Variants in KLK9 observed in about 807,000 individuals in gnomAD.
KLK9 encodes kallikrein related peptidase 9, also known as kallikrein-9.
KLK9 carries 26 observed loss-of-function variants against 23.3 expected under a neutral mutation model. The ratio of observed to expected loss-of-function variants is 1.12; its 90% confidence interval spans 0.82 to 1.55. KLK9 has a LOEUF of 1.55. Ranked by LOEUF, KLK9 falls within the 40% of genes most tolerant of loss-of-function variation. The pLI is 0.00. For missense variants in KLK9, 346 were observed against 333.7 expected (o/e 1.04, Z -0.29); for synonymous variants, 122 against 128.5 (o/e 0.95, Z 0.34).
Position 51,002,863 on chromosome 19 carries a change from G to C in KLK9, c.*248C>G. On this transcript the variant is annotated 3_prime_UTR_variant, in exon 5 of 5. Coordinates refer to ENST00000594211, the MANE Select transcript of KLK9 (RefSeq NM_012315.2). ...CTGTTCCAAGAAGGAGGTGATGGCT[G>C]TCGGTGACGTCATAGAGACGGGCTC... 1 of 429,548 alleles carries C rather than the reference G, an allele frequency of 2.3e-6. No individual in the cohort carries two copies. The allele number at this position is 429,548 out of a possible 1,614,324, so 26.6% of individuals were successfully genotyped here.
Position 51,006,369 on chromosome 19 carries a change from G to A in KLK9, c.466+89C>T. The A allele has an allele frequency of 8.1e-7, 1 of 1,234,026 alleles. No homozygotes were observed. The highest frequency in any genetic ancestry group is 1.1e-6 in the Non-Finnish European group (1 of 903,410). The allele number at this position is 1,234,026 out of a possible 1,614,324, so 76.4% of individuals were successfully genotyped here. A position where few individuals can be genotyped will look rare whatever the true frequency, so the allele number is the denominator to read the frequency against. Reference sequence around the variant, plus strand: ...TAGATAGACTGACAGAGAGAGAGAGGAGAGAGAAAAGGAGAAGACAGAGAT... The same window carrying A: ...TAGATAGACTGACAGAGAGAGAGAGAAGAGAGAAAAGGAGAAGACAGAGAT... On this transcript the variant is annotated intron_variant, in intron 3 of 4. Coordinates refer to ENST00000594211, the MANE Select transcript of KLK9 (RefSeq NM_012315.2). The surrounding 1 kb of genome is among the most constrained non-coding windows in gnomAD (Gnocchi z 4.1).
At chr19:51,004,553 A>G (rs916059089) in intron 3 of KLK9, among the ~76,000 whole-genome samples, 11 of 150,426 alleles carry the variant, frequency 7.3e-5, no homozygotes, top group African/African-American at 2.4e-4. Context: ...ACAAAAAATC[A>G]GCTGGGCATG....
rs1312640630 is a variant in KLK9 at position 51,006,547 on chromosome 19, G to T, written c.377C>A (p.Ala126Asp). 1 of 1,613,304 alleles carries T rather than the reference G, an allele frequency of 6.2e-7. No individual in the cohort carries two copies. The highest frequency in any genetic ancestry group is 8.5e-7 in the Non-Finnish European group (1 of 1,179,476). Reference sequence around the variant, plus strand: ...CTGGCTGAGGTTGAGGGGCTGCACAGCAGGACTCAGACGTGCCTGCCTGGG... The same window carrying T: ...CTGGCTGAGGTTGAGGGGCTGCACATCAGGACTCAGACGTGCCTGCCTGGG... Reference protein sequence around the residue: ...RLPRQARLSPAVQPLNLSQTC... With the variant: ...RLPRQARLSPDVQPLNLSQTC... Residue 126 changes from alanine (A) to aspartate (D), a missense_variant, in exon 3 of 5, where the codon GCT becomes GAT. Transcript: ENST00000594211. This position sits in a 1 kb window ranked among gnomAD's most constrained non-coding sequence, Gnocchi z 4.1.
At position 51,006,909 on chromosome 19, in the gene KLK9, G is replaced by A. The variant is rs1456102106; in HGVS notation, c.201-186C>T. ...TAAGCGAGGCACACACCTCCTCTGG[G>A]TCCCTGGTCCCCACTCTGATGTTTT... On this transcript the variant is annotated intron_variant, in intron 2 of 4. Coordinates refer to ENST00000594211, the MANE Select transcript of KLK9 (RefSeq NM_012315.2). The surrounding 1 kb of genome is among the most constrained non-coding windows in gnomAD (Gnocchi z 4.1). Among the ~76,000 whole-genome samples the A allele has an allele frequency of 6.6e-6, 1 of 151,810 alleles. No individual in the cohort carries two copies. The highest frequency in any genetic ancestry group is 2.4e-5 in the African/African-American group (1 of 41,384).
chr19:51,006,513 G>C lies in KLK9; in HGVS notation c.411C>G (p.Val137=). 1 of 1,613,248 alleles carries C rather than the reference G, an allele frequency of 6.2e-7. No homozygotes were observed. Among genetic ancestry groups the C allele is most frequent in the Non-Finnish European group, 8.5e-7 (1 of 1,179,456 alleles). Residue 137 remains valine, a synonymous_variant, in exon 3 of 5, where the codon GTC becomes GTG. Coordinates refer to ENST00000594211, the MANE Select transcript of KLK9 (RefSeq NM_012315.2). The surrounding 1 kb of genome is among the most constrained non-coding windows in gnomAD (Gnocchi z 4.1). The stretch of plus-strand genomic sequence containing the variant: ...AGATGAGACACTGCATGCCTGGGGA[G>C]ACACAGGTCTGGCTGAGGTTGAGGG... ...VQPLNLSQTC[V]SPGMQCLISG...
chr19:51,002,682 G>A lies in KLK9; in HGVS notation c.*429C>T, dbSNP rs2091237281. On this transcript the variant is annotated 3_prime_UTR_variant, in exon 5 of 5. Coordinates refer to ENST00000594211, the MANE Select transcript of KLK9 (RefSeq NM_012315.2). ...ACCGCCCGAGCTCCACGTGGGCGGA[G>A]CTACTGCGCCCCTGACATCACGAGG... 1 of 160,846 alleles carries A rather than the reference G, an allele frequency of 6.2e-6. No individual in the cohort carries two copies. The highest frequency in any genetic ancestry group is 1.9e-4 in the South Asian group (1 of 5,190). 10.0% of individuals were successfully genotyped at this position (160,846 alleles called of 1,614,324 possible).
At chr19:51,004,195 C>CCAGG (rs1284408394) in intron 3 of KLK9, among the ~76,000 whole-genome samples, 1 of 151,300 alleles carries the variant, frequency 6.6e-6, no homozygotes, top group African/African-American at 2.4e-5. Context: ...CAAAAATTAG[C>CCAGG]CAGGCATGGT....
At chr19:51,005,903 C>A (rs1051245044) in intron 3 of KLK9, among the ~76,000 whole-genome samples, 3 of 150,354 alleles carry the variant, frequency 2.0e-5, no homozygotes, top group Non-Finnish European at 4.4e-5. Context: ...ATGGTGAAAC[C>A]TCTGTCTCTA....
intron 3 of KLK9, among the ~76,000 whole-genome samples, chr19:51,004,098 T>C (rs1187472949): frequency 6.6e-6 from 1 of 151,916 alleles, no homozygotes; most frequent in East Asian, 1.9e-4. Context: ...CCCAGTGTTT[T>C]GGAGGCCGAG....
Position 51,006,649 on chromosome 19 carries a change from T to A in KLK9, c.275A>T (p.Asp92Val). The A allele has an allele frequency of 6.2e-7, 1 of 1,612,808 alleles. No homozygotes were observed. Among genetic ancestry groups the A allele is most frequent in the East Asian group, 2.2e-5 (1 of 44,860 alleles). ...GTTGAAGCCAGGGTGGGGGAAGAAG[T>A]CCGTAACCCGGAACAGCTGCTCCGG... ...EGPEQLFRVT[D>V]FFPHPGFNKD... Residue 92 changes from aspartate to valine, a missense_variant, in exon 3 of 5, where the codon GAC becomes GTC. Physicochemically the swap from Asp to Val is radical, Grantham distance 152. Coordinates refer to ENST00000594211, the MANE Select transcript of KLK9 (RefSeq NM_012315.2). This position sits in a 1 kb window ranked among gnomAD's most constrained non-coding sequence, Gnocchi z 4.1.
Position 51,002,952 on chromosome 19 carries a change from G to C in KLK9, c.*159C>G. 1.2e-6 allele frequency: 1 copy of C among 854,058 alleles called. No individual in the cohort carries two copies. The highest frequency in any genetic ancestry group is 1.8e-6 in the Non-Finnish European group (1 of 564,028). The allele number at this position is 854,058 out of a possible 1,614,324, so 52.9% of individuals were successfully genotyped here. On this transcript the variant is annotated 3_prime_UTR_variant, in exon 5 of 5. Transcript: ENST00000594211. Reference sequence around the variant, plus strand: ...CTGTGTCTTGCTTGACCTCGTGAGGGGGCGGAGCCTCAGGGGCGGAGTCTT... The same window carrying C: ...CTGTGTCTTGCTTGACCTCGTGAGGCGGCGGAGCCTCAGGGGCGGAGTCTT...
rs2091238552 is a variant in KLK9, at chr19:51,002,860, G to T, written c.*251C>A. On this transcript the variant is annotated 3_prime_UTR_variant, in exon 5 of 5. Coordinates refer to ENST00000594211, the MANE Select transcript of KLK9 (RefSeq NM_012315.2). ...GTGCTGTTCCAAGAAGGAGGTGATG[G>T]CTGTCGGTGACGTCATAGAGACGGG... 3 of 423,282 alleles carry T rather than the reference G, an allele frequency of 7.1e-6. No individual in the cohort carries two copies. The East Asian group carries it at 1.1e-4, about 16-fold the overall frequency. 26.2% of individuals were successfully genotyped at this position (423,282 alleles called of 1,614,324 possible). A position where few individuals can be genotyped will look rare whatever the true frequency, so the allele number is the denominator to read the frequency against.
At chr19:51,003,349 A>G in intron 4 of KLK9, 89 bp from the exon 5 acceptor site, 2 of 1,364,700 alleles carry the variant, frequency 1.5e-6, no homozygotes, top group South Asian at 2.9e-5. Context: ...GAAAGGCCCC[A>G]GCCCCTTCCT....
intron 2 of KLK9, among the ~76,000 whole-genome samples, chr19:51,008,197 G>A (rs1193509480): frequency 6.7e-6 from 1 of 149,034 alleles, no homozygotes; most frequent in African/African-American, 2.5e-5. Context: ...AAATAGCCTG[G>A]CATGGTGGTG....
chr19:51,006,647 A>G lies in KLK9; in HGVS notation c.277T>C (p.Phe93Leu). 6.2e-7 allele frequency: 1 copy of G among 1,613,108 alleles called. No individual in the cohort carries two copies. The highest frequency in any genetic ancestry group is 8.5e-7 in the Non-Finnish European group (1 of 1,179,382). The change falls in exon 3 of 5, where the codon TTC becomes CTC. Residue 93 changes from phenylalanine to leucine, a missense_variant. Phe to Leu is a conservative substitution (Grantham distance 22). Coordinates refer to ENST00000594211, the MANE Select transcript of KLK9 (RefSeq NM_012315.2). This position sits in a 1 kb window ranked among gnomAD's most constrained non-coding sequence, Gnocchi z 4.1. The part of the protein sequence containing the change: ...GPEQLFRVTD[F>L]FPHPGFNKDL... The stretch of plus-strand genomic sequence containing the variant: ...TTGTTGAAGCCAGGGTGGGGGAAGA[A>G]GTCCGTAACCCGGAACAGCTGCTCC...
chr19:51,002,914 C>A lies in KLK9; in HGVS notation c.*197G>T. The A allele has an allele frequency of 1.6e-6, 1 of 626,918 alleles. No individual in the cohort carries two copies. The highest frequency in any genetic ancestry group is 2.8e-5 in the Admixed American group (1 of 35,668). 38.8% of individuals were successfully genotyped at this position (626,918 alleles called of 1,614,324 possible). A position where few individuals can be genotyped will look rare whatever the true frequency, so the allele number is the denominator to read the frequency against. ...TGAAGGGCGTGTCCCTGCTCCGTTC[C>A]GAGGGGGCGCGACTGTGTCTTGCTT... On this transcript the variant is annotated 3_prime_UTR_variant, in exon 5 of 5. Transcript: ENST00000594211.
Position 51,003,114 on chromosome 19 carries a change from G to C in KLK9, c.750C>G (p.Asn250Lys). 1 of 1,608,400 alleles carries C rather than the reference G, an allele frequency of 6.2e-7. No individual in the cohort carries two copies. Among genetic ancestry groups the C allele is most frequent in the Non-Finnish European group, 8.5e-7 (1 of 1,177,318 alleles). Residue 250 changes from asparagine (N) to lysine (K), a missense_variant, in exon 5 of 5, where the codon AAC (asparagine) becomes AAG (lysine). Coordinates refer to ENST00000594211, the MANE Select transcript of KLK9 (RefSeq NM_012315.2). ...GGTGCCCCCGTGGCGCGCGGGCTCAGTTCTCCATGATTTCTTGGATCCAGT... is the reference window on the plus strand; with the variant it reads ...GGTGCCCCCGTGGCGCGCGGGCTCACTTCTCCATGATTTCTTGGATCCAGT... ...YLDWIQEIMEN is the reference protein window; with the variant it reads ...YLDWIQEIMEK
rs1489221481 is a variant in KLK9, at chr19:51,003,783, CAG to C, written c.522_523del (p.Cys175SerfsTer28). On this transcript the variant is annotated frameshift_variant, in exon 4 of 5. Transcript: ENST00000594211. LOFTEE classifies it high-confidence loss of function. ...GATGTGTCCAGGGTATGCCCAGTGA[CAG>C]AGTTTGTTCTCCAGGATGCTGATGT... 5 of 1,613,590 alleles carry C rather than the reference CAG, an allele frequency of 3.1e-6. No homozygotes were observed. Among genetic ancestry groups the C allele is most frequent in the Admixed American group, 1.7e-5 (1 of 59,982 alleles).
Position 51,003,027 on chromosome 19 carries a change from T to G in KLK9, c.*84A>C, listed in dbSNP as rs921954889. 4 of 1,469,396 alleles carry G rather than the reference T, an allele frequency of 2.7e-6. No individual in the cohort carries two copies. In the African/African-American group the frequency reaches 5.6e-5, roughly 21 times the overall value. The allele number at this position is 1,469,396 out of a possible 1,614,324, so 91.0% of individuals were successfully genotyped here. A position where few individuals can be genotyped will look rare whatever the true frequency, so the allele number is the denominator to read the frequency against. ...GCTGGAGGTCCAGGGCGGGAACCAT[T>G]GAGGCTGGGACCCTACGAGAACCCC... On this transcript the variant is annotated 3_prime_UTR_variant, in exon 5 of 5. Transcript: ENST00000594211.
Sources: gnomAD v4.1 joint callset for allele counts (sites outside exome capture counted in the v4.1 genomes callset) on GRCh38, gnomAD v4.1.1 for gene constraint, Gnocchi (gnomAD v3.1) non-coding constraint, MANE v1.5 for transcripts, NCBI Gene and HGNC (gene_info 2026-07-23, HGNC 2026-07-21) for gene names.